Variants in SCN3A observed in about 807,000 individuals in gnomAD.
The protein encoded by SCN3A is sodium voltage-gated channel alpha subunit 3.
SCN3A carries 60 observed loss-of-function variants against 187.6 expected under a neutral mutation model. The observed-to-expected ratio is 0.32, with a 90% confidence interval of 0.26 to 0.40. The LOEUF (loss-of-function observed/expected upper bound fraction) is 0.40. SCN3A is among the 10% of genes least tolerant of loss of function. SCN3A has a pLI of 1.00. For synonymous variants in SCN3A, 788 were observed against 829.2 expected (o/e 0.95, Z 0.85); for missense variants, 1,601 against 2,428.2 (o/e 0.66, Z 7.16).
At chr2:165,197,670 T>C (rs1434925503) in intron 1 of SCN3A, among the ~76,000 whole-genome samples, 2 of 151,874 alleles carry the variant, frequency 1.3e-5, no homozygotes, top group African/African-American at 4.8e-5. Context: ...TTTTCTTTTT[T>C]ACCTCCTATT....
chr2:165,116,878 GTA>G, intron 18 of SCN3A, among the ~76,000 whole-genome samples: 1 of 150,302 alleles, frequency 6.7e-6, no homozygotes, highest in East Asian at 2.0e-4. Flanking sequence ...CTAGGTTGGA[GTA>G]TGGTAAATAG....
At chr2:165,114,999 AATAAAG>A (rs1319296994) in intron 19 of SCN3A, among the ~76,000 whole-genome samples, 31 of 152,188 alleles carry the variant, frequency 2.0e-4, no homozygotes, top group Non-Finnish European at 1.5e-5. Flanking sequence ...AAAAAAGGAA[AATAAAG>A]ATAAACATGC....
intron 21 of SCN3A, among the ~76,000 whole-genome samples, chr2:165,101,491 C>T (rs989981270): frequency 3.9e-5 from 6 of 152,040 alleles, no homozygotes; most frequent in African/African-American, 7.2e-5. Flanking sequence ...GTAGAATTGG[C>T]GATTTGAACC....
At chr2:165,142,492 A>G (rs1487981205) in intron 12 of SCN3A, among the ~76,000 whole-genome samples, 2 of 152,170 alleles carry the variant, frequency 1.3e-5, no homozygotes, top group Non-Finnish European at 2.9e-5. Context: ...CACAGGAACT[A>G]TTGGCTGTCC....
chr2:165,169,761 A>G (rs2105908886), intron 4 of SCN3A, among the ~76,000 whole-genome samples: 1 of 151,982 alleles, frequency 6.6e-6, no homozygotes, highest in East Asian at 1.9e-4. Context: ...TCAGAAAATC[A>G]CCATTCTATT....
In SCN3A at chr2:165,140,875, T is replaced by C. The variant is rs756419995; in HGVS notation, c.1795A>G (p.Ser599Gly). The C allele has an allele frequency of 6.2e-7, 1 of 1,614,144 alleles. No individual in the cohort carries two copies. The highest frequency in any genetic ancestry group is 8.5e-7 in the Non-Finnish European group (1 of 1,180,008). ...SENDFADDEH[S>G]TFEDSESRRD... ...CTGCTTTCGCTGTCTTCAAATGTGC[T>C]GTGTTCATCATCAGCAAAGTCATTT... is the stretch of plus-strand genomic sequence containing the variant. Residue 599 changes from serine to glycine, a missense_variant, in exon 13 of 28, where the codon AGC becomes GGC. By Grantham distance (56) the Ser-to-Gly change is moderately conservative (BLOSUM62 0). Coordinates refer to ENST00000283254, the MANE Select transcript of SCN3A (RefSeq NM_006922.4). The surrounding 1 kb of genome is among the most constrained non-coding windows in gnomAD (Gnocchi z 4.2).
intron 11 of SCN3A, among the ~76,000 whole-genome samples, chr2:165,154,184 C>T (rs538914535): frequency 6.6e-6 from 1 of 151,970 alleles, no homozygotes; most frequent in Admixed American, 6.6e-5. Flanking sequence ...TTAAATTCCT[C>T]TCTTAGGTTC....
rs1230519000 is a variant in SCN3A at position 165,090,342 on chromosome 2, G to A, written c.5811C>T (p.Asp1937=). 3 of 1,613,182 alleles carry A rather than the reference G, an allele frequency of 1.9e-6. No individual in the cohort carries two copies. The highest frequency in any genetic ancestry group is 1.3e-5 in the African/African-American group (1 of 74,998). The change falls in exon 28 of 28, where the codon GAC becomes GAT. Residue 1937 remains aspartate, a synonymous_variant. Coordinates refer to ENST00000283254, the MANE Select transcript of SCN3A (RefSeq NM_006922.4). The surrounding 1 kb of genome is among the most constrained non-coding windows in gnomAD (Gnocchi z 4.0). Reference sequence around the variant, plus strand: ...TAATCATGTCTTGTTTTATAGGTAAGTCAATCCTCCCTTTAATTGCCTCTT... The same window carrying A: ...TAATCATGTCTTGTTTTATAGGTAAATCAATCCTCCCTTTAATTGCCTCTT... ...YNKEAIKGRI[D]LPIKQDMIID...
At chr2:165,095,797 G>C (rs947459372) in intron 24 of SCN3A, 149 bp from the exon 25 acceptor site, 22 of 501,934 alleles carry the variant, frequency 4.4e-5, no homozygotes, top group Non-Finnish European at 7.5e-5. Flanking sequence ...TTTAAAACTA[G>C]TATGATCTAG....
At chr2:165,194,263 G>T (rs1574349636) in intron 1 of SCN3A, among the ~76,000 whole-genome samples, 1 of 152,094 alleles carries the variant, frequency 6.6e-6, no homozygotes, top group East Asian at 1.9e-4. Flanking sequence ...GAAGGGAGAG[G>T]TGGGAAATTG....
chr2:165,178,892 C>T (rs1690650580), intron 2 of SCN3A, among the ~76,000 whole-genome samples: 1 of 152,070 alleles, frequency 6.6e-6, no homozygotes, highest in Non-Finnish European at 1.5e-5. Flanking sequence ...TTTTGATGAT[C>T]ACATCATCAA....
intron 15 of SCN3A, among the ~76,000 whole-genome samples, chr2:165,131,875 G>C (rs1374962548): frequency 6.6e-6 from 1 of 151,030 alleles, no homozygotes; most frequent in Non-Finnish European, 1.5e-5. Flanking sequence ...CTTTGTGATA[G>C]TTTACTGAGA....
intron 3 of SCN3A, among the ~76,000 whole-genome samples, chr2:165,173,166 G>A (rs1410672205): frequency 1.3e-5 from 2 of 152,148 alleles, no homozygotes; most frequent in Admixed American, 1.3e-4. Context: ...TTTGTGGCAA[G>A]AATAAGATTT....
chr2:165,155,401 T>C (rs1338828322), intron 10 of SCN3A, among the ~76,000 whole-genome samples: 1 of 152,004 alleles, frequency 6.6e-6, no homozygotes, highest in Admixed American at 6.6e-5. Context: ...TCCCTTTCCC[T>C]TTCCCTTTCT....
chr2:165,156,971 T>C (rs12463840), intron 9 of SCN3A, among the ~76,000 whole-genome samples: 34,424 of 151,936 alleles, frequency 0.23, 5,100 homozygotes, highest in East Asian at 0.52. Flanking sequence ...AGTGCAGTGG[T>C]GCAATCTCGG....
In SCN3A at chr2:165,140,529, G is replaced by T; in HGVS notation, c.2019+122C>A. 1 of 788,916 alleles carries T rather than the reference G, an allele frequency of 1.3e-6. No homozygotes were observed. The highest frequency in any genetic ancestry group is 2.2e-6 in the Non-Finnish European group (1 of 453,798). The allele number at this position is 788,916 out of a possible 1,614,324, so 48.9% of individuals were successfully genotyped here. On this transcript the variant is annotated intron_variant, in intron 13 of 27. Transcript: ENST00000283254. The surrounding 1 kb of genome is among the most constrained non-coding windows in gnomAD (Gnocchi z 4.2). ...TATTGTTTTCCCTTTGATTAATCATGTATTATTTTTACCAACTTTCATTTT... is the reference window on the plus strand; with the variant it reads ...TATTGTTTTCCCTTTGATTAATCATTTATTATTTTTACCAACTTTCATTTT...
chr2:165,176,508 C>T, intron 2 of SCN3A, 64 bp from the exon 3 acceptor site: 3 of 1,275,028 alleles, frequency 2.4e-6, no homozygotes, highest in South Asian at 2.4e-5. Flanking sequence ...AGAACATCAA[C>T]CAAAATGTCA....
chr2:165,113,670 G>C (rs2105709814), intron 20 of SCN3A, 146 bp downstream of exon 20: 1 of 800,482 alleles, frequency 1.2e-6, no homozygotes, highest in East Asian at 2.6e-5. Context: ...ACTGAATTTT[G>C]CATCGTTAAA....
intron 21 of SCN3A, among the ~76,000 whole-genome samples, chr2:165,106,461 A>G (rs2105684375): frequency 6.6e-6 from 1 of 152,248 alleles, no homozygotes; most frequent in South Asian, 2.1e-4. Flanking sequence ...TCTGTTTATG[A>G]AGTGTGTAAT....
Sources: allele counts gnomAD v4.1 joint callset (sites outside exome capture counted in the v4.1 genomes callset), GRCh38; gene constraint gnomAD v4.1.1; non-coding constraint Gnocchi (gnomAD v3.1); transcripts MANE v1.5; gene names NCBI Gene and HGNC (gene_info 2026-07-23, HGNC 2026-07-21).